CNTNAP2: variants seen among roughly 807,000 people sequenced by gnomAD.
CNTNAP2 encodes the protein contactin associated protein 2.
In CNTNAP2, 98 loss-of-function variants were observed where a neutral mutation model predicts 155.2. That is an observed-to-expected ratio of 0.63 (90% CI 0.54 to 0.75). CNTNAP2 has a LOEUF of 0.75. Among genes scored for constraint, CNTNAP2 ranks in the 30% least tolerant of loss-of-function variants. The probability of loss-of-function intolerance (pLI) is 0.00; values close to 1 mark genes in which losing one functional copy is unlikely to be tolerated. For missense variants in CNTNAP2, 1,727 were observed against 1,688.1 expected (o/e 1.02, Z -0.40); for synonymous variants, 651 against 631.2 (o/e 1.03, Z -0.47).
At chr7:146,733,375 A>T (rs1801558532) in intron 1 of CNTNAP2, among the ~76,000 whole-genome samples, 1 of 152,096 alleles carries the variant, frequency 6.6e-6, no homozygotes, top group African/African-American at 2.4e-5. Flanking sequence ...TTGTCATTTT[A>T]TTCGTTTGCT....
chr7:147,036,737 G>A (rs1329703005), intron 3 of CNTNAP2, among the ~76,000 whole-genome samples: 1 of 152,078 alleles, frequency 6.6e-6, no homozygotes, highest in Non-Finnish European at 1.5e-5. Context: ...ATGAAGGTTT[G>A]ATTATAAAGA....
chr7:148,218,867 T>A (rs1175525967), intron 19 of CNTNAP2, among the ~76,000 whole-genome samples: 1 of 151,696 alleles, frequency 6.6e-6, no homozygotes. Context: ...GTGTACAAAC[T>A]TGCTGAACTT....
At chr7:148,081,144 T>A (rs1448723564) in intron 15 of CNTNAP2, among the ~76,000 whole-genome samples, 2 of 152,208 alleles carry the variant, frequency 1.3e-5, no homozygotes, top group Admixed American at 6.5e-5. Context: ...GAAGTTAGTA[T>A]CTTAAGCAAA....
At chr7:146,307,746 A>C (rs945331232) in intron 1 of CNTNAP2, among the ~76,000 whole-genome samples, 1 of 152,198 alleles carries the variant, frequency 6.6e-6, no homozygotes, top group Non-Finnish European at 1.5e-5. Flanking sequence ...TCCCTATTTA[A>C]TAAATGGTGC....
intron 5 of CNTNAP2, among the ~76,000 whole-genome samples, chr7:147,116,182 C>T (rs922092592): frequency 2.0e-5 from 3 of 152,176 alleles, no homozygotes; most frequent in Admixed American, 2.0e-4. Context: ...AAGTTGGCAG[C>T]CTGCTGCTTC....
chr7:147,328,195 G>A (rs1025673736), intron 9 of CNTNAP2, among the ~76,000 whole-genome samples: 8 of 152,140 alleles, frequency 5.3e-5, no homozygotes, highest in Non-Finnish European at 4.4e-5. Flanking sequence ...TTTCCAACTG[G>A]AAATGGGAGA....
At chr7:147,995,193 C>A (rs1460472055) in intron 15 of CNTNAP2, among the ~76,000 whole-genome samples, 1 of 152,122 alleles carries the variant, frequency 6.6e-6, no homozygotes, top group Non-Finnish European at 1.5e-5. Flanking sequence ...ACCCAAAACC[C>A]AGACTCCCAG....
At chr7:147,986,873 TTGTGTGTGTGTGTG>T (rs71686634) in intron 15 of CNTNAP2, among the ~76,000 whole-genome samples, 3 of 147,364 alleles carry the variant, frequency 2.0e-5, no homozygotes, top group Non-Finnish European at 4.5e-5. Context: ...TGTTTTTTGT[TTGTGTGTGTGTGTG>T]TGTGTGTGTG....
chr7:148,070,468 A>G (rs1384756528), intron 15 of CNTNAP2, among the ~76,000 whole-genome samples: 1 of 152,262 alleles, frequency 6.6e-6, no homozygotes, highest in Non-Finnish European at 1.5e-5. Flanking sequence ...CTGTAATCCC[A>G]GCACTCGGGA....
intron 1 of CNTNAP2, among the ~76,000 whole-genome samples, chr7:146,534,252 A>G (rs1276268249): frequency 4.6e-5 from 7 of 152,224 alleles, no homozygotes; most frequent in Admixed American, 3.9e-4. Context: ...TTCTGTGGAT[A>G]CTTTCTCGTA....
At chr7:147,989,021 G>A (rs1801667611) in intron 15 of CNTNAP2, among the ~76,000 whole-genome samples, 1 of 152,202 alleles carries the variant, frequency 6.6e-6, no homozygotes, top group African/African-American at 2.4e-5. Flanking sequence ...ACAAAGTGGA[G>A]GAGATTAGGA....
At chr7:146,673,149 C>A (rs1013490930) in intron 1 of CNTNAP2, among the ~76,000 whole-genome samples, 1 of 152,068 alleles carries the variant, frequency 6.6e-6, no homozygotes, top group Admixed American at 6.6e-5. Flanking sequence ...AAATAACCTT[C>A]ATTGGTCTTG....
At chr7:146,618,260 A>G (rs1271691954) in intron 1 of CNTNAP2, among the ~76,000 whole-genome samples, 1 of 152,172 alleles carries the variant, frequency 6.6e-6, no homozygotes, top group African/African-American at 2.4e-5. Flanking sequence ...GAGGTTCAAT[A>G]CCTTTGAATC....
chr7:147,892,799 A>G (rs1799715850), intron 13 of CNTNAP2, among the ~76,000 whole-genome samples: 1 of 152,204 alleles, frequency 6.6e-6, no homozygotes, highest in Non-Finnish European at 1.5e-5. Flanking sequence ...CTGAACTTCA[A>G]TTCTACATTT....
chr7:147,264,312 A>G (rs13235899), intron 8 of CNTNAP2, among the ~76,000 whole-genome samples: 5,255 of 152,140 alleles, frequency 0.035, 128 homozygotes, highest in Non-Finnish European at 0.052. Context: ...TTACAGTTAG[A>G]TATTTATTTA....
chr7:148,305,801 A>C (rs1178761425), intron 21 of CNTNAP2, among the ~76,000 whole-genome samples: 2 of 152,108 alleles, frequency 1.3e-5, no homozygotes, highest in Admixed American at 6.6e-5. Flanking sequence ...CCCCTGACAC[A>C]TGGGATTACA....
chr7:147,815,876 C>T (rs1319210449), intron 13 of CNTNAP2, among the ~76,000 whole-genome samples: 2 of 152,212 alleles, frequency 1.3e-5, no homozygotes, highest in Non-Finnish European at 2.9e-5. Flanking sequence ...GTGATGTCCA[C>T]TGGCCTCACA....
At chr7:146,760,510 T>C (rs1476440276) in intron 1 of CNTNAP2, among the ~76,000 whole-genome samples, 2 of 140,980 alleles carry the variant, frequency 1.4e-5, no homozygotes, top group Non-Finnish European at 3.0e-5. Flanking sequence ...TTACAACATC[T>C]GCCTCCTGGG....
chr7:147,359,207 T>C (rs1796109711), intron 9 of CNTNAP2, among the ~76,000 whole-genome samples: 1 of 152,150 alleles, frequency 6.6e-6, no homozygotes. Context: ...TCCACCTCTG[T>C]AAATGGCCGC....
Sources: allele counts gnomAD v4.1 joint callset (sites outside exome capture counted in the v4.1 genomes callset), GRCh38; gene constraint gnomAD v4.1.1; transcripts MANE v1.5; gene names NCBI Gene and HGNC (gene_info 2026-07-23, HGNC 2026-07-21).